The following DOCK1 variants were observed in gnomAD, a reference collection of about 807,000 sequenced individuals.
DOCK1 encodes the protein dedicator of cytokinesis protein 1.
In DOCK1, 138 loss-of-function variants were observed where a neutral mutation model predicts 262.7. The ratio of observed to expected loss-of-function variants is 0.53; its 90% CI spans 0.46 to 0.61. The LOEUF (loss-of-function observed/expected upper bound fraction) is 0.61. DOCK1 is among the 20% of genes least tolerant of loss of function. The pLI, the probability that DOCK1 is intolerant of heterozygous loss-of-function variation, is 0.00. For synonymous variants in DOCK1, 866 were observed against 867.4 expected, an observed-to-expected ratio of 1.00 and a Z score of 0.03; for missense variants, 1,908 against 2,370.7, an observed-to-expected ratio of 0.80 and a Z score of 4.05.
intron 38 of DOCK1, 123 bp downstream of exon 38, chr10:127,385,032 G>T: frequency 7.9e-7 from 1 of 1,265,188 alleles, no homozygotes; most frequent in Non-Finnish European, 1.0e-6. Flanking sequence ...GTTGTATATT[G>T]AAATGTTTTA....
intron 23 of DOCK1, among the ~76,000 whole-genome samples, chr10:127,102,198 T>G (rs1367338459): frequency 6.6e-6 from 1 of 152,178 alleles, no homozygotes; most frequent in Admixed American, 6.5e-5. Flanking sequence ...AAATTAGCTT[T>G]GGGGCTGCAC....
At chr10:127,430,826 G>A (rs1223199829) in intron 47 of DOCK1, among the ~76,000 whole-genome samples, 1 of 152,226 alleles carries the variant, frequency 6.6e-6, no homozygotes, top group Non-Finnish European at 1.5e-5. Context: ...ACTCTGGGCA[G>A]TAAACACCTG....
At position 127,220,635 on chromosome 10, in the gene DOCK1, A is replaced by G. The variant is rs568609152; in HGVS notation, c.2848-27373A>G. 1.4e-4 allele frequency among the ~76,000 whole-genome samples: 22 copies of G among 152,198 alleles called. No individual in the cohort carries two copies. The South Asian group carries it at 3.3e-3, about 23-fold the overall frequency. The stretch of plus-strand genomic sequence containing the variant: ...TGGGGTAGAGCCAAGCATTGGACAA[A>G]GGCATGGATGGAGGAGCGATCGGTG... On this transcript the variant is annotated intron_variant, in intron 27 of 51. Coordinates refer to ENST00000623213, the MANE Select transcript of DOCK1 (RefSeq NM_001290223.2).
intron 1 of DOCK1, among the ~76,000 whole-genome samples, chr10:126,941,648 G>C (rs1209721887): frequency 1.3e-5 from 2 of 152,066 alleles, no homozygotes; most frequent in African/African-American, 2.4e-5. Flanking sequence ...CCCGCTACTC[G>C]GGAGGCTGAG....
At chr10:127,319,695 A>C (rs1004123796) in intron 29 of DOCK1, among the ~76,000 whole-genome samples, 1 of 152,242 alleles carries the variant, frequency 6.6e-6, no homozygotes, top group Non-Finnish European at 1.5e-5. Flanking sequence ...TGGAAAGCCC[A>C]TATTCACAGT....
chr10:127,307,378 C>T (rs570263201), intron 29 of DOCK1, among the ~76,000 whole-genome samples: 117 of 152,340 alleles, frequency 7.7e-4, no homozygotes, highest in Non-Finnish European at 1.3e-3. Flanking sequence ...CCCGCCTGCC[C>T]TCTTCTCTCT....
intron 29 of DOCK1, 41 bp from the exon 30 acceptor site, chr10:127,338,965 G>A: frequency 6.6e-7 from 1 of 1,518,288 alleles, no homozygotes; most frequent in Non-Finnish European, 8.9e-7. Context: ...AAGTGCCAGA[G>A]CGTAAGTGTG....
chr10:127,381,855 G>C (rs955081973), intron 37 of DOCK1, among the ~76,000 whole-genome samples: 3 of 152,194 alleles, frequency 2.0e-5, no homozygotes, highest in African/African-American at 7.2e-5. Flanking sequence ...CTTCTAAGGA[G>C]TGTTGCTCCT....
chr10:127,223,797 C>A (rs2058530849), intron 27 of DOCK1, among the ~76,000 whole-genome samples: 1 of 152,068 alleles, frequency 6.6e-6, no homozygotes, highest in South Asian at 2.1e-4. Context: ...CCTTTTTAGG[C>A]CTTAGCACCT....
intron 35 of DOCK1, among the ~76,000 whole-genome samples, chr10:127,378,296 C>A (rs911623794): frequency 5.9e-5 from 9 of 152,126 alleles, no homozygotes; most frequent in African/African-American, 2.2e-4. Flanking sequence ...CAGATGTCTG[C>A]GTTCTAAAAG....
chr10:126,924,451 G>A (rs943179976), intron 1 of DOCK1, among the ~76,000 whole-genome samples: 3 of 150,312 alleles, frequency 2.0e-5, no homozygotes, highest in African/African-American at 4.9e-5. Flanking sequence ...ACTCAGTAGC[G>A]GGAGGCTGTG....
intron 37 of DOCK1, among the ~76,000 whole-genome samples, chr10:127,382,932 C>T (rs987143569): frequency 6.6e-6 from 1 of 152,126 alleles, no homozygotes; most frequent in African/African-American, 2.4e-5. Context: ...TGCTGTTTCC[C>T]CTGGGCTTCT....
intron 32 of DOCK1, among the ~76,000 whole-genome samples, chr10:127,358,804 C>G (rs2064269142): frequency 1.3e-5 from 2 of 152,066 alleles, no homozygotes; most frequent in Admixed American, 1.3e-4. Flanking sequence ...GTTTAATGTC[C>G]CAGATTTTTG....
At chr10:127,209,685 G>A (rs2057885649) in intron 27 of DOCK1, among the ~76,000 whole-genome samples, 1 of 152,162 alleles carries the variant, frequency 6.6e-6, no homozygotes, top group Admixed American at 6.5e-5. Flanking sequence ...TGAAAATGCA[G>A]GAAAATGATT....
At chr10:127,428,038 C>G (rs2134572372) in intron 47 of DOCK1, among the ~76,000 whole-genome samples, 1 of 152,322 alleles carries the variant, frequency 6.6e-6, no homozygotes, top group South Asian at 2.1e-4. Flanking sequence ...ATCCTTTGTG[C>G]AAGTCAGAAT....
At chr10:127,410,367 C>T (rs1036762830) in intron 42 of DOCK1, among the ~76,000 whole-genome samples, 2 of 152,172 alleles carry the variant, frequency 1.3e-5, no homozygotes, top group Non-Finnish European at 2.9e-5. Context: ...AGTCTCTCCA[C>T]GCCCTGCCCT....
chr10:127,250,205 C>G (rs1590119671), intron 28 of DOCK1, among the ~76,000 whole-genome samples: 2 of 152,132 alleles, frequency 1.3e-5, no homozygotes, highest in South Asian at 2.1e-4. Context: ...GTACTTTGCC[C>G]TTTTTCAGAA....
At chr10:127,046,246 T>C (rs758497026) in intron 21 of DOCK1, among the ~76,000 whole-genome samples, 3 of 152,216 alleles carry the variant, frequency 2.0e-5, no homozygotes, top group Non-Finnish European at 4.4e-5. Flanking sequence ...GGGTGTTGCA[T>C]GCTCTCTTGT....
At chr10:127,119,719 A>G (rs975751084) in intron 25 of DOCK1, among the ~76,000 whole-genome samples, 22 of 152,168 alleles carry the variant, frequency 1.4e-4, no homozygotes, top group African/African-American at 5.1e-4. Flanking sequence ...CACTTTATGG[A>G]TCATTTATTT....
Sources: allele counts gnomAD v4.1 joint callset (sites outside exome capture counted in the v4.1 genomes callset), GRCh38; gene constraint gnomAD v4.1.1; transcripts MANE v1.5; gene names NCBI Gene and HGNC (gene_info 2026-07-23, HGNC 2026-07-21).